GAB2: variants seen among roughly 807,000 people sequenced by gnomAD.
GAB2 encodes GRB2 associated binding protein 2, also known as GRB2-associated-binding protein 2.
GAB2 carries 26 observed loss-of-function variants against 65.5 expected under a neutral mutation model. The ratio of observed to expected loss-of-function variants is 0.40; its 90% CI spans 0.29 to 0.55. GAB2 has a LOEUF of 0.55. Among genes scored for constraint, GAB2 ranks in the 20% least tolerant of loss-of-function variants. The pLI, the probability that GAB2 is intolerant of heterozygous loss-of-function variation, is 0.53. For missense variants in GAB2, 884 were observed against 875.8 expected (o/e 1.01, Z -0.12); for synonymous variants, 321 against 329.6 (o/e 0.97, Z 0.28).
chr11:78,220,179 G>A, intron 9 of GAB2, 140 bp downstream of exon 9: 4 of 805,260 alleles, frequency 5.0e-6, no homozygotes, highest in Non-Finnish European at 8.0e-6. Flanking sequence ...TATGACTAAA[G>A]ATGCATCATA....
chr11:78,219,758 G>A (rs1864327201), intron 9 of GAB2, among the ~76,000 whole-genome samples: 1 of 152,196 alleles, frequency 6.6e-6, no homozygotes, highest in African/African-American at 2.4e-5. Context: ...TCCAGGGGAA[G>A]GAATTTGCTA....
At chr11:78,274,310 A>G (rs1304533850) in intron 2 of GAB2, among the ~76,000 whole-genome samples, 1 of 152,204 alleles carries the variant, frequency 6.6e-6, no homozygotes, top group African/African-American at 2.4e-5. Flanking sequence ...GGAAGGAAGG[A>G]AAGAAAGGAA....
At chr11:78,234,665 C>T (rs1234805290) in intron 3 of GAB2, among the ~76,000 whole-genome samples, 1 of 150,280 alleles carries the variant, frequency 6.7e-6, no homozygotes, top group African/African-American at 2.4e-5. Context: ...TATTTCTCTC[C>T]TGGACTTGCT....
At chr11:78,400,901 CAAA>C (rs59240034) in intron 1 of GAB2, among the ~76,000 whole-genome samples, 906 of 65,190 alleles carry the variant, frequency 0.014, 6 homozygotes, top group African/African-American at 0.04. Flanking sequence ...GAGACTGTCT[CAAA>C]AAAAAAAAAA....
chr11:78,366,989 T>C (rs1856506170), intron 1 of GAB2, among the ~76,000 whole-genome samples: 2 of 151,872 alleles, frequency 1.3e-5, no homozygotes. Context: ...TGCAAAAAAA[T>C]ACAAGACAGG....
intron 1 of GAB2, among the ~76,000 whole-genome samples, chr11:78,298,138 A>G (rs1866892123): frequency 6.6e-6 from 1 of 152,238 alleles, no homozygotes; most frequent in Non-Finnish European, 1.5e-5. Flanking sequence ...TAGGAAGCCC[A>G]GATAGACTAC....
intron 1 of GAB2, among the ~76,000 whole-genome samples, chr11:78,297,726 A>T (rs1170418466): frequency 1.3e-5 from 2 of 152,196 alleles, no homozygotes; most frequent in Non-Finnish European, 2.9e-5. Context: ...AAATCCCTCA[A>T]TAGGGGCATG....
At chr11:78,408,931 C>T (rs1385374499) in intron 1 of GAB2, among the ~76,000 whole-genome samples, 2 of 152,216 alleles carry the variant, frequency 1.3e-5, no homozygotes, top group African/African-American at 2.4e-5. Flanking sequence ...GCCAATTAAA[C>T]CTCTTTTCTT....
At chr11:78,304,205 TGA>T (rs959970306) in intron 1 of GAB2, among the ~76,000 whole-genome samples, 20 of 152,294 alleles carry the variant, frequency 1.3e-4, no homozygotes, top group African/African-American at 3.6e-4. Flanking sequence ...TATTTTTTAA[TGA>T]GATATAATTT....
At chr11:78,344,142 A>C (rs1231413864) in intron 1 of GAB2, among the ~76,000 whole-genome samples, 2 of 152,208 alleles carry the variant, frequency 1.3e-5, no homozygotes, top group Non-Finnish European at 2.9e-5. Context: ...CAAAATTAAA[A>C]AGGGTTTTAA....
intron 1 of GAB2, among the ~76,000 whole-genome samples, chr11:78,297,861 A>C (rs1866882282): frequency 6.6e-6 from 1 of 152,176 alleles, no homozygotes; most frequent in African/African-American, 2.4e-5. Flanking sequence ...CAACCACATA[A>C]AGTGTATATA....
chr11:78,414,422 G>A (rs1248782913), intron 1 of GAB2, among the ~76,000 whole-genome samples: 1 of 152,074 alleles, frequency 6.6e-6, no homozygotes, highest in African/African-American at 2.4e-5. Flanking sequence ...GCCACTAGGG[G>A]GTAGTCTGCC....
intron 3 of GAB2, among the ~76,000 whole-genome samples, chr11:78,233,652 G>A (rs1864907728): frequency 6.6e-6 from 1 of 152,112 alleles, no homozygotes; most frequent in Non-Finnish European, 1.5e-5. Context: ...TGTCGCCCAA[G>A]CTAGAGTGCA....
chr11:78,381,081 C>A (rs114339835), intron 1 of GAB2, among the ~76,000 whole-genome samples: 3 of 152,120 alleles, frequency 2.0e-5, no homozygotes, highest in African/African-American at 7.2e-5. Context: ...TCTACTTAAT[C>A]GTATTTTCTG....
At chr11:78,254,553 G>A (rs1015579177) in intron 2 of GAB2, among the ~76,000 whole-genome samples, 4 of 152,092 alleles carry the variant, frequency 2.6e-5, no homozygotes, top group African/African-American at 9.7e-5. Flanking sequence ...TAATCCCAAC[G>A]CTTTGGGAGG....
chr11:78,266,729 C>G (rs1865885695), intron 2 of GAB2, among the ~76,000 whole-genome samples: 1 of 152,140 alleles, frequency 6.6e-6, no homozygotes, highest in South Asian at 2.1e-4. Flanking sequence ...CAGAGAGAAT[C>G]ACTAAGAGGA....
At chr11:78,401,593 T>G (rs891797536) in intron 1 of GAB2, among the ~76,000 whole-genome samples, 3 of 150,556 alleles carry the variant, frequency 2.0e-5, no homozygotes, top group Non-Finnish European at 4.4e-5. Context: ...TCATCTCTGT[T>G]GTAGCATGTC....
chr11:78,406,860 C>T (rs1335142621), intron 1 of GAB2, among the ~76,000 whole-genome samples: 2 of 151,778 alleles, frequency 1.3e-5, no homozygotes, highest in Non-Finnish European at 2.9e-5. Context: ...AATTGGAAAG[C>T]CTCCAAAAAG....
chr11:78,277,392 C>G (rs1866201676), intron 2 of GAB2, among the ~76,000 whole-genome samples: 1 of 152,146 alleles, frequency 6.6e-6, no homozygotes, highest in Non-Finnish European at 1.5e-5. Context: ...GTCAGGCAAC[C>G]ATCAGGTGAG....
Sources: gnomAD v4.1 joint callset for allele counts (sites outside exome capture counted in the v4.1 genomes callset) on GRCh38, gnomAD v4.1.1 for gene constraint, MANE v1.5 for transcripts, NCBI Gene and HGNC (gene_info 2026-07-23, HGNC 2026-07-21) for gene names.